Variants in ZMYM2 observed in about 807,000 individuals in gnomAD.
ZMYM2 encodes the protein zinc finger MYM-type protein 2.
In ZMYM2, 56 loss-of-function variants were observed where a neutral mutation model predicts 162.8. The ratio of observed to expected loss-of-function variants is 0.34; its 90% CI spans 0.28 to 0.43. ZMYM2 has a LOEUF of 0.43. Ranked by LOEUF, ZMYM2 falls within the 20% of genes least tolerant of loss-of-function variation. The probability of loss-of-function intolerance (pLI) is 1.00; values close to 1 mark genes in which losing one functional copy is unlikely to be tolerated. For synonymous variants in ZMYM2, 510 were observed against 541.6 expected (o/e 0.94, Z 0.81); for missense variants, 1,275 against 1,621.8 (o/e 0.79, Z 3.67).
chr13:20,005,958 A>T (rs1359232553), intron 5 of ZMYM2, among the ~76,000 whole-genome samples: 2 of 152,200 alleles, frequency 1.3e-5, no homozygotes, highest in African/African-American at 4.8e-5. Context: ...GGCCAGGCTC[A>T]GTAGCTCACA....
At chr13:19,979,363 G>C (rs1440993080) in intron 2 of ZMYM2, among the ~76,000 whole-genome samples, 1 of 149,698 alleles carries the variant, frequency 6.7e-6, no homozygotes, top group Non-Finnish European at 1.5e-5. Context: ...GATTCCCCCA[G>C]TCTTTATAGA....
At chr13:19,957,146 A>AT (rs201769591), upstream of ZMYM2, among the ~76,000 whole-genome samples, 112 of 151,954 alleles carry the variant, frequency 7.4e-4, no homozygotes, top group Middle Eastern at 3.4e-3. Flanking sequence ...TACTTGATTT[A>AT]TTTTTTTTAA....
At chr13:20,056,175 C>G (rs989555551) in intron 14 of ZMYM2, among the ~76,000 whole-genome samples, 1 of 152,168 alleles carries the variant, frequency 6.6e-6, no homozygotes, top group Non-Finnish European at 1.5e-5. Flanking sequence ...TCTTGATACA[C>G]AGAGCTCAAA....
chr13:19,983,066 T>TA (rs1957490747), intron 2 of ZMYM2, among the ~76,000 whole-genome samples: 1 of 152,248 alleles, frequency 6.6e-6, no homozygotes, highest in South Asian at 2.1e-4. Context: ...TCACTGTCTA[T>TA]AATAGTTTTT....
rs755465891 is a variant in ZMYM2 at position 20,067,338 on chromosome 13, G to A, written c.3401G>A (p.Gly1134Glu). 10 of 1,610,994 alleles carry A rather than the reference G, an allele frequency of 6.2e-6. No individual in the cohort carries two copies. Among genetic ancestry groups the A allele is most frequent in the Non-Finnish European group, 8.5e-6 (10 of 1,178,478 alleles). ...HFVNEIRRPN[G>E]ENYAPDSIYY... ...GTCAATGAGATCCGACGGCCAAATG[G>A]AGAGAATTATGCACCTGACAGCATC... Residue 1134 changes from glycine to glutamate, a missense_variant, in exon 21 of 25, where the codon GGA (glycine) becomes GAA (glutamate). Physicochemically the swap from Gly to Glu is moderately conservative, Grantham distance 98. This residue lies in a region of ZMYM2 where 229 missense variants were observed against 283.8 expected (regional missense o/e 0.81). Transcript: ENST00000610343.
At chr13:19,965,833 G>C (rs1408156858) in intron 2 of ZMYM2, among the ~76,000 whole-genome samples, 1 of 143,600 alleles carries the variant, frequency 7.0e-6, no homozygotes, top group African/African-American at 2.7e-5. Flanking sequence ...GAGTGCAATG[G>C]CATGATCTCA....
At chr13:19,907,903 T>C in the ZMYM2 span, among the ~76,000 whole-genome samples, 9 of 152,046 alleles carry the variant, frequency 5.9e-5, no homozygotes, top group Non-Finnish European at 7.4e-5. Flanking sequence ...AGTTTACACA[T>C]TGCATTTGCT....
At chr13:20,062,811 T>C in intron 17 of ZMYM2, 35 bp from the exon 18 acceptor site, 7 of 1,508,724 alleles carry the variant, frequency 4.6e-6, no homozygotes, top group Non-Finnish European at 6.2e-6. Context: ...GGGTTTTCTG[T>C]TTTGATTCCT....
At chr13:19,908,467 T>C in the ZMYM2 span, among the ~76,000 whole-genome samples, 1,010 of 152,260 alleles carry the variant, frequency 6.6e-3, 10 homozygotes, top group African/African-American at 0.023. Context: ...TGGTATTTTG[T>C]ACAAGAGGCA....
At chr13:19,957,374 T>G (rs1272118778), upstream of ZMYM2, among the ~76,000 whole-genome samples, 4 of 152,196 alleles carry the variant, frequency 2.6e-5, no homozygotes, top group Non-Finnish European at 5.9e-5. Flanking sequence ...GGTGGGAAAA[T>G]AACCAACATC....
At chr13:19,991,068 GTATGTATTTTC>G (rs1566235314) in intron 2 of ZMYM2, among the ~76,000 whole-genome samples, 8 of 136,550 alleles carry the variant, frequency 5.9e-5, no homozygotes, top group Non-Finnish European at 9.6e-5. Flanking sequence ...GTGTGTGTAC[GTATGTATTTTC>G]TGTGTGTGTG....
rs1357205050 is a variant in ZMYM2, at chr13:20,086,084, G to GA, written c.*74dup. 4.7e-6 allele frequency: 7 copies of GA among 1,486,850 alleles called. No homozygotes were observed. Among genetic ancestry groups the GA allele is most frequent in the Middle Eastern group, 1.9e-4 (1 of 5,326 alleles). The allele number at this position is 1,486,850 out of a possible 1,614,324, so 92.1% of individuals were successfully genotyped here. On this transcript the variant is annotated 3_prime_UTR_variant, in exon 25 of 25. Coordinates refer to ENST00000610343, the MANE Select transcript of ZMYM2 (RefSeq NM_197968.4). ...GTCATGCTGCTAGATCTTTATTATGGAAAACATTTCAAGTTTACTCCTTCT... is the reference window on the plus strand; with the variant it reads ...GTCATGCTGCTAGATCTTTATTATGGAAAAACATTTCAAGTTTACTCCTTCT...
At chr13:19,865,376 C>T in the ZMYM2 span, among the ~76,000 whole-genome samples, 1 of 152,260 alleles carries the variant, frequency 6.6e-6, no homozygotes, top group Admixed American at 6.5e-5. Flanking sequence ...AAGACAAAAG[C>T]ATGTTCACGG....
chr13:19,987,132 A>AAG (rs1292154474), intron 2 of ZMYM2, among the ~76,000 whole-genome samples: 3 of 147,166 alleles, frequency 2.0e-5, no homozygotes, highest in African/African-American at 7.8e-5. Flanking sequence ...AAAAAAAAAA[A>AAG]AAAAAAAATT....
Position 20,088,268 on chromosome 13 carries a change from C to T in ZMYM2, c.*2254C>T. The T allele has an allele frequency of 4.8e-6, 1 of 208,244 alleles. No individual in the cohort carries two copies. The highest frequency in any genetic ancestry group is 9.8e-6 in the Non-Finnish European group (1 of 102,100). 12.9% of individuals were successfully genotyped at this position (208,244 alleles called of 1,614,324 possible). The stretch of plus-strand genomic sequence containing the variant: ...ATTGTTTGTTCTGTGAAACTCACTT[C>T]ACCTAGAACACATTTCATTGATTCT... On this transcript the variant is annotated 3_prime_UTR_variant, in exon 25 of 25. Coordinates refer to ENST00000610343, the MANE Select transcript of ZMYM2 (RefSeq NM_197968.4).
At chr13:20,079,492 A>C (rs1033661574) in intron 21 of ZMYM2, among the ~76,000 whole-genome samples, 1 of 151,956 alleles carries the variant, frequency 6.6e-6, no homozygotes, top group Non-Finnish European at 1.5e-5. Flanking sequence ...GAAACCACAC[A>C]CAGGATTTCT....
chr13:19,965,166 A>G (rs1474734953), intron 2 of ZMYM2: 2 of 1,053,162 alleles, frequency 1.9e-6, no homozygotes, highest in Non-Finnish European at 2.5e-6. Flanking sequence ...AGACAGAATA[A>G]TGTTTGTAAA....
chr13:19,921,428 C>T, the ZMYM2 span, among the ~76,000 whole-genome samples: 6 of 152,114 alleles, frequency 3.9e-5, no homozygotes, highest in Non-Finnish European at 8.8e-5. Flanking sequence ...GCGTGAACCA[C>T]GGCGCCCAAA....
the ZMYM2 span, among the ~76,000 whole-genome samples, chr13:19,931,580 T>G: frequency 2.6e-5 from 4 of 152,208 alleles, no homozygotes; most frequent in African/African-American, 9.6e-5. Context: ...GTATATTTCT[T>G]TTTCAGATTG....
Sources: allele counts gnomAD v4.1 joint callset (sites outside exome capture counted in the v4.1 genomes callset), GRCh38; gene constraint gnomAD v4.1.1; regional missense constraint gnomAD v4.1.1; transcripts MANE v1.5; gene names NCBI Gene and HGNC (gene_info 2026-07-23, HGNC 2026-07-21).